Variants in MRPS28 observed in about 807,000 individuals in gnomAD.
The protein encoded by MRPS28 is small ribosomal subunit protein bS1m.
MRPS28 carries 7 observed loss-of-function variants against 10.8 expected under a neutral mutation model. The ratio of observed to expected loss-of-function variants is 0.65; its 90% CI spans 0.37 to 1.22. The LOEUF is 1.22. Among genes scored for constraint, MRPS28 ranks in the 50% most tolerant of loss-of-function variants. The pLI is 0.02. For missense variants in MRPS28, 265 were observed against 232.9 expected (o/e 1.14, Z -0.90); for synonymous variants, 121 against 93.3 (o/e 1.30, Z -1.71).
Position 80,029,419 on chromosome 8 carries a change from CCATTT to C in MRPS28, c.213+612_213+616del, listed in dbSNP as rs373013922. On this transcript the variant is annotated intron_variant, in intron 1 of 2. Transcript: ENST00000276585. ...ACTTAGGCTTGTAATTTTATTTCTTCCATTTCATTTATCTATAAATTTATGGTATT... is the reference window on the plus strand; with the variant it reads ...ACTTAGGCTTGTAATTTTATTTCTTCCATTTATCTATAAATTTATGGTATT... 5.4e-3 allele frequency among the ~76,000 whole-genome samples: 826 copies of C among 152,206 alleles called. 5 individuals are homozygous for C. The highest frequency in any genetic ancestry group is 0.019 in the African/African-American group (779 of 41,510).
chr8:79,979,957 T>C (rs1284330242), intron 2 of MRPS28, among the ~76,000 whole-genome samples: 2 of 150,218 alleles, frequency 1.3e-5, no homozygotes, highest in Non-Finnish European at 3.0e-5. Flanking sequence ...TCTATCTTTT[T>C]AAGCCACAAG....
chr8:79,951,742 C>T (rs576183560), intron 2 of MRPS28, among the ~76,000 whole-genome samples: 18 of 152,278 alleles, frequency 1.2e-4, no homozygotes, highest in Admixed American at 1.1e-3. Flanking sequence ...GAAAGAGATG[C>T]CCCCTTTCCT....
intron 2 of MRPS28, among the ~76,000 whole-genome samples, chr8:79,922,042 G>A (rs575076572): frequency 2.6e-5 from 4 of 152,164 alleles, no homozygotes; most frequent in East Asian, 1.9e-4. Flanking sequence ...TGAGATAATC[G>A]TGGTTTTTGT....
intron 2 of MRPS28, among the ~76,000 whole-genome samples, chr8:79,947,986 TTTC>T (rs1474018642): frequency 1.2e-4 from 18 of 149,106 alleles, no homozygotes; most frequent in Admixed American, 3.3e-4. Context: ...TTTTTCTTTT[TTTC>T]TTCTTTTTTT....
chr8:79,918,868 T>A lies in MRPS28; in HGVS notation c.*112A>T. ...TTCTAATAAGAGTTATCTATAATTA[T>A]AGCTTTTATTTATTATATCTTCATT... On this transcript the variant is annotated 3_prime_UTR_variant, in exon 3 of 3. Transcript: ENST00000276585. The A allele has an allele frequency of 1.2e-6, 1 of 848,890 alleles. No homozygotes were observed. The highest frequency in any genetic ancestry group is 1.7e-6 in the Non-Finnish European group (1 of 604,240). The allele number at this position is 848,890 out of a possible 1,614,324, so 52.6% of individuals were successfully genotyped here.
At chr8:80,004,210 GAGTAGCCTAACTGGGAGGCACCCCCA>G (rs1249451288) in intron 1 of MRPS28, among the ~76,000 whole-genome samples, 1 of 152,204 alleles carries the variant, frequency 6.6e-6, no homozygotes, top group African/African-American at 2.4e-5. Flanking sequence ...CCTGACCCCT[GAGTAGCCTAACTGGGAGGCACCCCCA>G]AGTAGGGGCA....
intron 1 of MRPS28, among the ~76,000 whole-genome samples, chr8:80,018,719 T>C (rs555778240): frequency 9.9e-5 from 15 of 152,266 alleles, no homozygotes; most frequent in African/African-American, 2.4e-4. Flanking sequence ...CTGTTCACAA[T>C]AGCCAAAATT....
intron 2 of MRPS28, among the ~76,000 whole-genome samples, chr8:79,954,385 A>G (rs975900553): frequency 2.0e-5 from 3 of 152,128 alleles, no homozygotes; most frequent in African/African-American, 7.2e-5. Flanking sequence ...TGTTCCAAAA[A>G]GGGGGAAACA....
intron 2 of MRPS28, among the ~76,000 whole-genome samples, chr8:79,966,625 C>T (rs535384960): frequency 3.7e-4 from 56 of 152,100 alleles, no homozygotes; most frequent in South Asian, 1.0e-3. Context: ...TGAAAAAGTA[C>T]GTGAAAAATT....
chr8:79,935,336 T>C (rs1289129372), intron 2 of MRPS28, among the ~76,000 whole-genome samples: 2 of 152,328 alleles, frequency 1.3e-5, no homozygotes, highest in East Asian at 3.9e-4. Context: ...TTTTCTTTTT[T>C]TCTTTCTTTT....
intron 2 of MRPS28, among the ~76,000 whole-genome samples, chr8:79,965,517 T>C (rs1807481137): frequency 6.6e-6 from 1 of 152,078 alleles, no homozygotes; most frequent in African/African-American, 2.4e-5. Context: ...TTAGGAATTA[T>C]GATATGCTTA....
chr8:79,989,221 C>G (rs1019073999), intron 2 of MRPS28, among the ~76,000 whole-genome samples: 1 of 152,060 alleles, frequency 6.6e-6, no homozygotes, highest in East Asian at 1.9e-4. Context: ...TCTTACCAAA[C>G]TATCTAGAAA....
At chr8:79,999,660 G>A (rs150386830) in intron 2 of MRPS28, among the ~76,000 whole-genome samples, 2 of 152,230 alleles carry the variant, frequency 1.3e-5, no homozygotes, top group African/African-American at 4.8e-5. Context: ...AATGTATGTC[G>A]ATAAAGAGCT....
intron 2 of MRPS28, among the ~76,000 whole-genome samples, chr8:79,935,471 A>C (rs1168438807): frequency 6.6e-6 from 1 of 152,166 alleles, no homozygotes; most frequent in East Asian, 1.9e-4. Flanking sequence ...CACAACAGTC[A>C]AACAACTACA....
intron 1 of MRPS28, chr8:80,029,789 A>C (rs1188421366): frequency 3.3e-6 from 5 of 1,515,868 alleles, no homozygotes; most frequent in Non-Finnish European, 4.4e-6. Context: ...TCCCAGGAAA[A>C]CAAGCGCAGT....
At chr8:79,933,388 T>C (rs1315970335) in intron 2 of MRPS28, among the ~76,000 whole-genome samples, 8 of 152,194 alleles carry the variant, frequency 5.3e-5, no homozygotes, top group African/African-American at 1.7e-4. Flanking sequence ...CCTCAACCCT[T>C]AGACCTCACT....
At chr8:79,926,518 C>CT (rs1182367863) in intron 2 of MRPS28, among the ~76,000 whole-genome samples, 1 of 152,168 alleles carries the variant, frequency 6.6e-6, no homozygotes, top group Non-Finnish European at 1.5e-5. Flanking sequence ...CACATCAATA[C>CT]TTATTTATAA....
intron 2 of MRPS28, among the ~76,000 whole-genome samples, chr8:79,949,639 T>A (rs1211782107): frequency 6.6e-6 from 1 of 152,208 alleles, no homozygotes; most frequent in Non-Finnish European, 1.5e-5. Flanking sequence ...AATATGTACA[T>A]TACAGTTCCC....
At chr8:79,958,880 T>C (rs1807298442) in intron 2 of MRPS28, among the ~76,000 whole-genome samples, 1 of 152,124 alleles carries the variant, frequency 6.6e-6, no homozygotes, top group African/African-American at 2.4e-5. Flanking sequence ...TATAACTGAG[T>C]TTAGTAAGAA....
Sources: allele counts gnomAD v4.1 joint callset (sites outside exome capture counted in the v4.1 genomes callset), GRCh38; gene constraint gnomAD v4.1.1; transcripts MANE v1.5; gene names NCBI Gene and HGNC (gene_info 2026-07-23, HGNC 2026-07-21).